Variants in GRHL1 observed in about 807,000 individuals in gnomAD.
The protein encoded by GRHL1 is grainyhead like transcription factor 1.
In GRHL1, 38 loss-of-function variants were observed where a neutral mutation model predicts 75.7. The observed-to-expected ratio is 0.50, with a 90% confidence interval of 0.39 to 0.66. GRHL1 has a LOEUF of 0.66. GRHL1 is among the 30% of genes least tolerant of loss of function. The pLI is 0.00. For synonymous variants in GRHL1, 266 were observed against 279.4 expected (o/e 0.95, Z 0.48); for missense variants, 589 against 767.5 (o/e 0.77, Z 2.75).
At chr2:9,999,664 G>A (rs760347427) in intron 15 of GRHL1, among the ~76,000 whole-genome samples, 5 of 152,304 alleles carry the variant, frequency 3.3e-5, no homozygotes, top group African/African-American at 7.2e-5. Context: ...GTTATGTCAC[G>A]TTGCTGCTTT....
chr2:9,984,250 G>T (rs1572374551), intron 8 of GRHL1, among the ~76,000 whole-genome samples: 1 of 152,218 alleles, frequency 6.6e-6, no homozygotes, highest in Non-Finnish European at 1.5e-5. Flanking sequence ...GTGACACCCA[G>T]TGCTGCTTGT....
At position 9,955,166 on chromosome 2, in the gene GRHL1, A is replaced by C. The variant is rs1666959817; in HGVS notation, c.207+65A>C. The C allele has an allele frequency of 3.8e-6, 4 of 1,061,132 alleles. No individual in the cohort carries two copies. In the East Asian group the frequency reaches 1.0e-4, roughly 27 times the overall value. 65.7% of individuals were successfully genotyped at this position (1,061,132 alleles called of 1,614,324 possible). On this transcript the variant is annotated intron_variant, in intron 2 of 15. Transcript: ENST00000324907. ...CAATGCACTTGATTCAGCAGCATAG[A>C]AACAGACATTTGCTGGTAGAATGCC...
rs1667432480 is a variant in GRHL1, at chr2:9,965,056, C to T, written c.1016-231C>T. ...TTTAAACTTTTTAGACTTAAATTTC[C>T]TAATTGTGACATAATGAGATTGAAT... On this transcript the variant is annotated intron_variant, in intron 7 of 15. Transcript: ENST00000324907. The T allele has an allele frequency of 1.7e-5, 7 of 417,426 alleles. No homozygotes were observed. In the Admixed American group the frequency reaches 2.4e-4, roughly 14 times the overall value. The allele number at this position is 417,426 out of a possible 1,614,324, so 25.9% of individuals were successfully genotyped here. A position where few individuals can be genotyped will look rare whatever the true frequency, so the allele number is the denominator to read the frequency against.
At chr2:9,989,163 C>A (rs1251802486) in intron 9 of GRHL1, among the ~76,000 whole-genome samples, 1 of 152,160 alleles carries the variant, frequency 6.6e-6, no homozygotes, top group Non-Finnish European at 1.5e-5. Context: ...CTACCACCTT[C>A]TAGAAAAGGC....
At chr2:9,997,758 G>A (rs1334631293) in intron 14 of GRHL1, among the ~76,000 whole-genome samples, 2 of 151,854 alleles carry the variant, frequency 1.3e-5, no homozygotes, top group Non-Finnish European at 2.9e-5. Flanking sequence ...GGGAGGTGGA[G>A]GTTGTAGTGA....
chr2:9,953,318 A>T (rs1666876945), intron 1 of GRHL1, among the ~76,000 whole-genome samples: 1 of 152,260 alleles, frequency 6.6e-6, no homozygotes, highest in African/African-American at 2.4e-5. Context: ...TTACGCTATT[A>T]ATTATAGCTT....
chr2:9,955,815 A>G (rs1666995611), intron 2 of GRHL1, among the ~76,000 whole-genome samples: 2 of 152,196 alleles, frequency 1.3e-5, no homozygotes, highest in African/African-American at 4.8e-5. Flanking sequence ...CTGTCTTTCT[A>G]ATGCAGCGTG....
intron 12 of GRHL1, among the ~76,000 whole-genome samples, chr2:9,994,929 G>C (rs1668789270): frequency 1.3e-5 from 2 of 152,110 alleles, no homozygotes; most frequent in South Asian, 4.1e-4. Flanking sequence ...CCTGTGCTCG[G>C]ATTATACCAG....
In GRHL1 at chr2:9,987,387, T is replaced by C. The variant is rs1668467747; in HGVS notation, c.1269+1105T>C. Among the ~76,000 whole-genome samples the C allele has an allele frequency of 6.6e-6, 1 of 152,200 alleles. No individual in the cohort carries two copies. On this transcript the variant is annotated intron_variant, in intron 9 of 15. Transcript: ENST00000324907. The surrounding 1 kb of genome is among the most constrained non-coding windows in gnomAD (Gnocchi z 4.2). The stretch of plus-strand genomic sequence containing the variant: ...GTTGATAAGTACGTTTTGTTGGGCA[T>C]GTCTGATAAGTAAAGGAGGTGCACA...
chr2:9,968,947 T>C lies in GRHL1; in HGVS notation c.1110+3566T>C, dbSNP rs147961585. On this transcript the variant is annotated intron_variant, in intron 8 of 15. Transcript: ENST00000324907. This position sits in a 1 kb window ranked among gnomAD's most constrained non-coding sequence, Gnocchi z 4.7. ...GCCTGAGATCTTAAATATGACATCATGTTTTCTTAGGAAAAATGTTTTTAT... is the reference window on the plus strand; with the variant it reads ...GCCTGAGATCTTAAATATGACATCACGTTTTCTTAGGAAAAATGTTTTTAT... Among the ~76,000 whole-genome samples, 402 of 152,352 alleles carry C rather than the reference T, an allele frequency of 2.6e-3. 2 individuals carry two copies. Among genetic ancestry groups the C allele is most frequent in the African/African-American group, 9.3e-3 (388 of 41,578 alleles).
rs191683452 is a variant in GRHL1 at position 9,972,335 on chromosome 2, C to T, written c.1110+6954C>T. ...CCTAGGTCCTTCCTGGAAATTCTGT[C>T]GGTGGTAGCTTTCTCAAACTGTCTT... On this transcript the variant is annotated intron_variant, in intron 8 of 15. Transcript: ENST00000324907. Among the ~76,000 whole-genome samples, 1,200 of 151,998 alleles carry T rather than the reference C, an allele frequency of 7.9e-3. 12 individuals are homozygous for T. The highest frequency in any genetic ancestry group is 0.013 in the Non-Finnish European group (892 of 68,000).
chr2:9,986,593 T>C (rs1248178326), intron 9 of GRHL1, among the ~76,000 whole-genome samples: 1 of 151,920 alleles, frequency 6.6e-6, no homozygotes, highest in Admixed American at 6.6e-5. Context: ...GTTTTTTGTA[T>C]TTTTAGTAGA....
intron 15 of GRHL1, among the ~76,000 whole-genome samples, chr2:9,999,649 T>C (rs1322677321): frequency 6.6e-6 from 1 of 152,238 alleles, no homozygotes; most frequent in Non-Finnish European, 1.5e-5. Context: ...GGATCCTATT[T>C]CCAAGTTATG....
At chr2:9,965,530 C>T in intron 8 of GRHL1, 149 bp downstream of exon 8, 2 of 596,246 alleles carry the variant, frequency 3.4e-6, no homozygotes, top group Non-Finnish European at 6.0e-6. Context: ...TTTTATTCTC[C>T]CCTCCTCCAA....
chr2:9,992,169 G>C lies in GRHL1; in HGVS notation c.1461+23G>C. 6.2e-7 allele frequency: 1 copy of C among 1,600,104 alleles called. No individual in the cohort carries two copies. Among genetic ancestry groups the C allele is most frequent in the Non-Finnish European group, 8.5e-7 (1 of 1,174,150 alleles). ...CATGTAGGTAACCAGGATCCCAGGG[G>C]AGGTTACCAGGAAGGAAGGCATGGC... On this transcript the variant is annotated intron_variant, in intron 11 of 15. Transcript: ENST00000324907. The surrounding 1 kb of genome is among the most constrained non-coding windows in gnomAD (Gnocchi z 4.6).
chr2:9,958,865 C>G lies in GRHL1; in HGVS notation c.278+9C>G, dbSNP rs369977805. ...CCAGATCACAGCAAAAGGTAACATTCAGTGCCTAACAGCATAAAGAGTGCA... is the reference window on the plus strand; with the variant it reads ...CCAGATCACAGCAAAAGGTAACATTGAGTGCCTAACAGCATAAAGAGTGCA... On this transcript the variant is annotated intron_variant, in intron 3 of 15. Transcript: ENST00000324907. 1 of 1,613,018 alleles carries G rather than the reference C, an allele frequency of 6.2e-7. No homozygotes were observed. Among genetic ancestry groups the G allele is most frequent in the African/African-American group, 1.3e-5 (1 of 75,014 alleles).
chr2:9,998,274 C>T (rs1325051802), intron 14 of GRHL1, among the ~76,000 whole-genome samples: 1 of 151,280 alleles, frequency 6.6e-6, no homozygotes, highest in Non-Finnish European at 1.5e-5. Context: ...CTCTATGTCC[C>T]GAAAGGAAGA....
intron 7 of GRHL1, chr2:9,964,560 T>A: frequency 6.4e-6 from 3 of 468,728 alleles, no homozygotes; most frequent in Non-Finnish European, 1.1e-5. Context: ...ACGTGGTGGC[T>A]TTCCACAGGA....
At chr2:9,964,841 C>A in intron 7 of GRHL1, 1 of 171,974 alleles carries the variant, frequency 5.8e-6, no homozygotes, top group Non-Finnish European at 1.2e-5. Flanking sequence ...AGTAGCGTTA[C>A]ACAGACCTCT....
Sources: allele counts gnomAD v4.1 joint callset (sites outside exome capture counted in the v4.1 genomes callset), GRCh38; gene constraint gnomAD v4.1.1; non-coding constraint Gnocchi (gnomAD v3.1); transcripts MANE v1.5; gene names NCBI Gene and HGNC (gene_info 2026-07-23, HGNC 2026-07-21).